UPP2: variants seen among roughly 807,000 people sequenced by gnomAD.
UPP2 encodes UPase 2.
UPP2 carries 23 observed loss-of-function variants against 26.7 expected under a neutral mutation model. The observed-to-expected ratio is 0.86, with a 90% confidence interval of 0.62 to 1.22. The LOEUF (loss-of-function observed/expected upper bound fraction) is 1.22. Ranked by LOEUF, UPP2 falls within the 50% of genes most tolerant of loss-of-function variation. The probability of loss-of-function intolerance (pLI) is 0.00; values close to 1 mark genes in which losing one functional copy is unlikely to be tolerated. For synonymous variants in UPP2, 127 were observed against 141.3 expected (o/e 0.90, Z 0.72); for missense variants, 387 against 396.7 (o/e 0.98, Z 0.21).
At chr2:157,998,185 A>G (rs554043403) in intron 2 of UPP2, among the ~76,000 whole-genome samples, 1 of 152,228 alleles carries the variant, frequency 6.6e-6, no homozygotes, top group Admixed American at 6.5e-5. Flanking sequence ...TCTACATTTA[A>G]TGGGGATGCC....
At chr2:158,079,771 G>A (rs1406041493) in intron 3 of UPP2, among the ~76,000 whole-genome samples, 8 of 152,082 alleles carry the variant, frequency 5.3e-5, no homozygotes, top group African/African-American at 1.9e-4. Context: ...GAATGAGTTC[G>A]AGTGAGTCAG....
At chr2:157,996,053 T>C (rs1330488461) in intron 2 of UPP2, among the ~76,000 whole-genome samples, 1 of 152,226 alleles carries the variant, frequency 6.6e-6, no homozygotes, top group East Asian at 1.9e-4. Flanking sequence ...AACCTGTTTT[T>C]AAAAGTTCAG....
chr2:158,127,909 A>G (rs931890989), intron 6 of UPP2: 35 of 765,922 alleles, frequency 4.6e-5, no homozygotes, highest in Non-Finnish European at 5.6e-5. Flanking sequence ...GCAATGCTCA[A>G]TAAATGCATT....
chr2:158,023,253 T>G (rs1683784390), intron 3 of UPP2, among the ~76,000 whole-genome samples: 1 of 144,390 alleles, frequency 6.9e-6, no homozygotes. Flanking sequence ...TTGGAAGGCT[T>G]TCAGTCCAGT....
chr2:158,042,138 G>A (rs920714931), intron 3 of UPP2, among the ~76,000 whole-genome samples: 7 of 152,126 alleles, frequency 4.6e-5, no homozygotes, highest in African/African-American at 9.7e-5. Flanking sequence ...GCACAGGTGC[G>A]CCAGGCATAG....
intron 3 of UPP2, among the ~76,000 whole-genome samples, chr2:158,057,379 C>T (rs1682263788): frequency 6.6e-6 from 1 of 152,092 alleles, no homozygotes. Context: ...GTCTGTTTCC[C>T]CCCATTTATT....
rs182906106 is a variant in UPP2, at chr2:158,067,859, G to A, written c.148-34181G>A. Among the ~76,000 whole-genome samples the A allele has an allele frequency of 2.6e-3, 401 of 151,988 alleles. 1 individual carries two copies. Among genetic ancestry groups the A allele is most frequent in the Middle Eastern group, 0.021 (6 of 292 alleles). ...GCATCTTTAAGTTGCAATAAAACAG[G>A]CCTAGCAAGTAAAATTTCTAAAGAG... is the stretch of plus-strand genomic sequence containing the variant. On this transcript the variant is annotated intron_variant, in intron 3 of 9. Coordinates refer to the UPP2 transcript ENST00000605860.
intron 3 of UPP2, among the ~76,000 whole-genome samples, chr2:158,076,835 G>C (rs951098184): frequency 2.0e-5 from 3 of 151,974 alleles, no homozygotes; most frequent in African/African-American, 7.2e-5. Flanking sequence ...TCAGAGAAGA[G>C]AAAGATATAA....
At chr2:158,012,957 A>C (rs1683603265) in intron 2 of UPP2, among the ~76,000 whole-genome samples, 1 of 152,158 alleles carries the variant, frequency 6.6e-6, no homozygotes, top group Non-Finnish European at 1.5e-5. Context: ...AAAATTCATC[A>C]ATGCCCCATT....
At chr2:158,066,261 T>A (rs895009538) in intron 3 of UPP2, among the ~76,000 whole-genome samples, 2 of 152,244 alleles carry the variant, frequency 1.3e-5, no homozygotes, top group African/African-American at 4.8e-5. Context: ...GTCAACCTAT[T>A]TGGACACTTG....
At chr2:158,007,650 C>T (rs1370374236) in intron 2 of UPP2, among the ~76,000 whole-genome samples, 2 of 146,956 alleles carry the variant, frequency 1.4e-5, no homozygotes, top group South Asian at 2.1e-4. Context: ...TTTTTTAAGA[C>T]GGAGTCTTGC....
intron 3 of UPP2, among the ~76,000 whole-genome samples, chr2:158,055,399 G>A (rs1682231216): frequency 1.3e-5 from 2 of 152,150 alleles, no homozygotes; most frequent in South Asian, 4.1e-4. Flanking sequence ...TGTTACATTG[G>A]GGATTAAGTT....
intron 3 of UPP2, among the ~76,000 whole-genome samples, chr2:158,074,690 T>TACACACACAC (rs56277459): frequency 0.13 from 17,088 of 135,238 alleles, 1,342 homozygotes; most frequent in African/African-American, 0.2. Flanking sequence ...AAGACCTTCA[T>TACACACACAC]ACACACACAC....
intron 3 of UPP2, among the ~76,000 whole-genome samples, chr2:158,093,835 A>G (rs1045190178): frequency 6.6e-6 from 1 of 151,988 alleles, no homozygotes; most frequent in African/African-American, 2.4e-5. Context: ...ATACATGCAA[A>G]CATATTATTA....
At chr2:158,097,528 G>A (rs958948723), upstream of UPP2, among the ~76,000 whole-genome samples, 8 of 152,068 alleles carry the variant, frequency 5.3e-5, no homozygotes, top group Admixed American at 1.3e-4. Context: ...TCATTGTTTT[G>A]TATTTCTAAA....
chr2:158,068,632 C>T (rs1682475704), intron 3 of UPP2, among the ~76,000 whole-genome samples: 1 of 150,966 alleles, frequency 6.6e-6, no homozygotes, highest in African/African-American at 2.4e-5. Context: ...GGTTAAGGAC[C>T]ACACGCTCAG....
intron 3 of UPP2, among the ~76,000 whole-genome samples, chr2:158,084,473 G>C (rs1682781170): frequency 6.6e-6 from 1 of 151,906 alleles, no homozygotes; most frequent in Non-Finnish European, 1.5e-5. Flanking sequence ...TGTTTCTTTT[G>C]CTGTGCAGAA....
At chr2:158,122,209 T>G (rs1476348653) in intron 5 of UPP2, among the ~76,000 whole-genome samples, 1 of 152,004 alleles carries the variant, frequency 6.6e-6, no homozygotes, top group African/African-American at 2.4e-5. Flanking sequence ...GACCCCCGAT[T>G]CTTTCTCGTC....
At chr2:158,014,317 C>G (rs1226747935) in intron 2 of UPP2, among the ~76,000 whole-genome samples, 4 of 152,142 alleles carry the variant, frequency 2.6e-5, no homozygotes, top group Non-Finnish European at 5.9e-5. Flanking sequence ...GGCTGATTGC[C>G]TCTCCTAGAA....
Sources: gnomAD v4.1 joint callset for allele counts (sites outside exome capture counted in the v4.1 genomes callset) on GRCh38, gnomAD v4.1.1 for gene constraint, MANE v1.5 for transcripts, NCBI Gene and HGNC (gene_info 2026-07-23, HGNC 2026-07-21) for gene names.